DLG1: variants seen among roughly 807,000 people sequenced by gnomAD.
DLG1 encodes disks large homolog 1.
A neutral mutation model predicts 123.4 loss-of-function variants in DLG1; 42 were observed. That is an observed-to-expected ratio of 0.34 (90% confidence interval 0.27 to 0.44). The LOEUF is 0.44. DLG1 is among the 20% of genes least tolerant of loss of function. The pLI, the probability that DLG1 is intolerant of heterozygous loss-of-function variation, is 1.00. For synonymous variants in DLG1, 317 were observed against 356.2 expected (o/e 0.89, Z 1.24); for missense variants, 942 against 1,082.6 (o/e 0.87, Z 1.82).
intron 4 of DLG1, among the ~76,000 whole-genome samples, chr3:197,229,691 C>G (rs1191568474): frequency 6.6e-6 from 1 of 152,200 alleles, no homozygotes; most frequent in African/African-American, 2.4e-5. Context: ...CTATTTCTCT[C>G]ATTAACAAGT....
chr3:197,148,258 A>AAAAAAAAAAAAAAAAAAAAAAAC, intron 6 of DLG1, among the ~76,000 whole-genome samples: 1 of 144,072 alleles, frequency 6.9e-6, no homozygotes, highest in Non-Finnish European at 1.5e-5. Flanking sequence ...AAAAAAAAAA[A>AAAAAAAAAAAAAAAAAAAAAAAC]AAATAGCCAG....
At chr3:197,273,434 C>T (rs1045725846) in intron 4 of DLG1, among the ~76,000 whole-genome samples, 4 of 151,790 alleles carry the variant, frequency 2.6e-5, no homozygotes, top group African/African-American at 9.7e-5. Context: ...GATGGGGTTT[C>T]ACCATGTTGG....
At chr3:197,231,986 A>G (rs79596910) in intron 4 of DLG1, among the ~76,000 whole-genome samples, 24,424 of 152,230 alleles carry the variant, frequency 0.16, 2,156 homozygotes, top group African/African-American at 0.23. Context: ...AAATCATACC[A>G]TGAAACCGCA....
chr3:197,170,551 T>A (rs2150018793), intron 5 of DLG1, among the ~76,000 whole-genome samples: 1 of 152,280 alleles, frequency 6.6e-6, no homozygotes, highest in Non-Finnish European at 1.5e-5. Context: ...TTTTGAACAG[T>A]GTCTGTTTAC....
intron 4 of DLG1, among the ~76,000 whole-genome samples, chr3:197,233,210 T>C (rs1452052094): frequency 6.6e-6 from 1 of 152,074 alleles, no homozygotes; most frequent in Non-Finnish European, 1.5e-5. Context: ...ATAAAAAATT[T>C]AGTAATAAAT....
chr3:197,196,446 A>G (rs1047694025), intron 4 of DLG1, among the ~76,000 whole-genome samples: 1 of 152,190 alleles, frequency 6.6e-6, no homozygotes, highest in Admixed American at 6.5e-5. Flanking sequence ...TAAACATAGA[A>G]AACCTAACAC....
chr3:197,233,764 C>T (rs899593582), intron 4 of DLG1, among the ~76,000 whole-genome samples: 18 of 152,234 alleles, frequency 1.2e-4, no homozygotes, highest in Non-Finnish European at 2.6e-4. Context: ...AAGTGATCTG[C>T]CCACCTCAGC....
chr3:197,113,514 TATA>T (rs1368642954), intron 13 of DLG1, among the ~76,000 whole-genome samples: 8 of 152,222 alleles, frequency 5.3e-5, no homozygotes, highest in South Asian at 2.1e-4. Flanking sequence ...GAAATCTATG[TATA>T]ATAACATTAT....
At chr3:197,073,267 C>G (rs757386979) in intron 18 of DLG1, among the ~76,000 whole-genome samples, 2 of 152,170 alleles carry the variant, frequency 1.3e-5, no homozygotes, top group Non-Finnish European at 2.9e-5. Context: ...AACAGGAAAC[C>G]TACGTGCCTG....
chr3:197,223,153 A>C (rs1738023974), intron 4 of DLG1, among the ~76,000 whole-genome samples: 1 of 152,168 alleles, frequency 6.6e-6, no homozygotes, highest in Admixed American at 6.5e-5. Flanking sequence ...TAAGAACTTG[A>C]ATGTCCTCTG....
chr3:197,143,999 G>A (rs906470483), intron 6 of DLG1, among the ~76,000 whole-genome samples: 1 of 152,120 alleles, frequency 6.6e-6, no homozygotes, highest in Admixed American at 6.5e-5. Context: ...AAAATTTCTC[G>A]TGATATGAGG....
intron 6 of DLG1, among the ~76,000 whole-genome samples, chr3:197,148,879 A>G (rs2149745429): frequency 6.6e-6 from 1 of 152,334 alleles, no homozygotes; most frequent in African/African-American, 2.4e-5. Flanking sequence ...TTATCCACTT[A>G]AACTTCAACA....
In DLG1 at chr3:197,069,224, C is replaced by A; in HGVS notation, c.2042G>T (p.Ser681Ile). The A allele has an allele frequency of 6.3e-7, 1 of 1,589,732 alleles. No individual in the cohort carries two copies. The highest frequency in any genetic ancestry group is 1.1e-5 in the South Asian group (1 of 87,146). The change falls in exon 19 of 25, where the codon AGT becomes ATT. Residue 681 changes from serine (S) to isoleucine (I), a missense_variant. Coordinates refer to ENST00000667157, the MANE Select transcript of DLG1 (RefSeq NM_001366207.1). ...AAGTAACTTAAAACACTTACGGTAA[C>A]TACTTTCACTATCGCTGGCATTAGA... ...VTSNASDSES[S>I]YRGQEEYVLS...
chr3:197,229,628 T>C (rs555296848), intron 4 of DLG1, among the ~76,000 whole-genome samples: 10 of 152,308 alleles, frequency 6.6e-5, no homozygotes, highest in Middle Eastern at 6.8e-3. Flanking sequence ...TCTATTAACA[T>C]TGCCTATAAA....
Position 197,154,327 on chromosome 3 carries a change from C to CA in DLG1, c.484-4532dup, listed in dbSNP as rs573058555. Among the ~76,000 whole-genome samples the CA allele has an allele frequency of 1.5e-3, 231 of 150,958 alleles. 2 individuals are homozygous for CA. The highest frequency in any genetic ancestry group is 5.4e-3 in the African/African-American group (222 of 41,108). The stretch of plus-strand genomic sequence containing the variant: ...AAAAAACAAAACAAAACCAAAAAAC[C>CA]AAAAAAACCCACAAAAACCTGATAG... On this transcript the variant is annotated intron_variant, in intron 5 of 24. Coordinates refer to ENST00000667157, the MANE Select transcript of DLG1 (RefSeq NM_001366207.1).
chr3:197,111,426 G>A (rs1325362161), intron 13 of DLG1, among the ~76,000 whole-genome samples: 1 of 152,210 alleles, frequency 6.6e-6, no homozygotes, highest in Admixed American at 6.5e-5. Context: ...GACACAAAGT[G>A]TGAAGTGAGG....
chr3:197,217,610 G>A (rs1364031621), intron 4 of DLG1, among the ~76,000 whole-genome samples: 1 of 152,130 alleles, frequency 6.6e-6, no homozygotes, highest in Non-Finnish European at 1.5e-5. Flanking sequence ...CAATTAAAAG[G>A]AAGGAAATAC....
At chr3:197,274,703 A>G (rs1229128559) in intron 4 of DLG1, among the ~76,000 whole-genome samples, 5 of 152,250 alleles carry the variant, frequency 3.3e-5, no homozygotes, top group African/African-American at 1.2e-4. Context: ...ACAGAATGGG[A>G]GAAAATATCT....
At chr3:197,138,182 G>T (rs772495226) in intron 9 of DLG1, 40 bp downstream of exon 9, 4 of 1,290,554 alleles carry the variant, frequency 3.1e-6, no homozygotes, top group Non-Finnish European at 4.2e-6. Flanking sequence ...TTAACTCAGA[G>T]ATTTCTTAAA....
Sources: gnomAD v4.1 joint callset for allele counts (sites outside exome capture counted in the v4.1 genomes callset) on GRCh38, gnomAD v4.1.1 for gene constraint, MANE v1.5 for transcripts, NCBI Gene and HGNC (gene_info 2026-07-23, HGNC 2026-07-21) for gene names.